SNX6: variants seen among roughly 807,000 people sequenced by gnomAD.
The protein encoded by SNX6 is sorting nexin 6.
A neutral mutation model predicts 63.0 loss-of-function variants in SNX6; 34 were observed. The ratio of observed to expected loss-of-function variants is 0.54; its 90% CI spans 0.41 to 0.72. The LOEUF (loss-of-function observed/expected upper bound fraction) is 0.72. SNX6 is among the 30% of genes least tolerant of loss of function. The pLI is 0.00. For synonymous variants in SNX6, 170 were observed against 164.2 expected, an observed-to-expected ratio of 1.04 and a Z score of -0.27; for missense variants, 398 against 471.4, an observed-to-expected ratio of 0.84 and a Z score of 1.44.
At chr14:34,597,419 C>T (rs1882648043) in intron 7 of SNX6, 131 bp downstream of exon 7, 1 of 631,336 alleles carries the variant, frequency 1.6e-6, no homozygotes, top group Non-Finnish European at 2.8e-6. Flanking sequence ...AGGATTCCTC[C>T]TGTTCCTAGG....
chr14:34,592,134 T>C (rs1044831996), intron 8 of SNX6, among the ~76,000 whole-genome samples: 3 of 152,196 alleles, frequency 2.0e-5, no homozygotes, highest in African/African-American at 7.2e-5. Context: ...ACGCCTGTAA[T>C]CCCTGCACTT....
chr14:34,598,881 C>A (rs1882700766), intron 6 of SNX6, among the ~76,000 whole-genome samples: 1 of 152,146 alleles, frequency 6.6e-6, no homozygotes, highest in Admixed American at 6.6e-5. Flanking sequence ...GGCAATACAG[C>A]AAGACTCTGT....
In SNX6 at chr14:34,605,722, A is replaced by G; in HGVS notation, c.271-5T>C. On this transcript the variant is annotated splice_polypyrimidine_tract_variant and splice_region_variant and intron_variant, in intron 4 of 13. Transcript: ENST00000362031. ...TCTTGGTGGTGCTGGTGGAATCTGT[A>G]ACAGGACCAAATGACTAATTTTAAG... 8 of 1,590,972 alleles carry G rather than the reference A, an allele frequency of 5.0e-6. No individual in the cohort carries two copies. Among genetic ancestry groups the G allele is most frequent in the Non-Finnish European group, 6.8e-6 (8 of 1,174,284 alleles).
In SNX6 at chr14:34,562,889, G is replaced by T; in HGVS notation, c.*233C>A. 2.0e-6 allele frequency: 1 copy of T among 503,250 alleles called. No individual in the cohort carries two copies. The highest frequency in any genetic ancestry group is 3.6e-6 in the Non-Finnish European group (1 of 281,084). 31.2% of individuals were successfully genotyped at this position (503,250 alleles called of 1,614,324 possible). ...TGAACTTTGGACTTCTGAGTATGAC[G>T]AGTGCACGATGATGGACCACTGTCA... On this transcript the variant is annotated 3_prime_UTR_variant, in exon 14 of 14. Transcript: ENST00000362031.
At chr14:34,594,689 C>T (rs986123897) in intron 7 of SNX6, among the ~76,000 whole-genome samples, 1 of 152,042 alleles carries the variant, frequency 6.6e-6, no homozygotes, top group African/African-American at 2.4e-5. Flanking sequence ...GTATTTTACC[C>T]CCTTCTACAT....
chr14:34,612,778 G>T (rs1476696889), intron 2 of SNX6, among the ~76,000 whole-genome samples: 1 of 151,944 alleles, frequency 6.6e-6, no homozygotes, highest in Non-Finnish European at 1.5e-5. Flanking sequence ...AGGCGCCACT[G>T]GTGGCTCACG....
chr14:34,609,325 C>CA (rs1221505260), intron 3 of SNX6, among the ~76,000 whole-genome samples: 2 of 150,578 alleles, frequency 1.3e-5, no homozygotes, highest in African/African-American at 4.9e-5. Flanking sequence ...GAAAAAAATA[C>CA]AAAAAATTAG....
chr14:34,573,932 C>G (rs1224362754), intron 11 of SNX6, among the ~76,000 whole-genome samples: 1 of 151,938 alleles, frequency 6.6e-6, no homozygotes, highest in Non-Finnish European at 1.5e-5. Flanking sequence ...TGAGCCACTG[C>G]GCCCAGGAGC....
At chr14:34,565,855 A>T (rs1444832130) in intron 13 of SNX6, among the ~76,000 whole-genome samples, 1 of 151,848 alleles carries the variant, frequency 6.6e-6, no homozygotes, top group African/African-American at 2.4e-5. Flanking sequence ...ATGCCTGGTT[A>T]ATTTTTTGTA....
At chr14:34,592,388 G>GA (rs917864990) in intron 8 of SNX6, among the ~76,000 whole-genome samples, 14 of 146,864 alleles carry the variant, frequency 9.5e-5, no homozygotes, top group Non-Finnish European at 1.7e-4. Flanking sequence ...CTGTCTCAAA[G>GA]AAAAAAAAAA....
rs778920101 is a variant in SNX6, at chr14:34,605,748, G to A, written c.271-31C>T. ...ACAGGACCAAATGACTAATTTTAAG[G>A]AAATTTTCATTTCTTGAAGCATTGT... On this transcript the variant is annotated intron_variant, in intron 4 of 13. Coordinates refer to ENST00000362031, the MANE Select transcript of SNX6 (RefSeq NM_152233.4). 7.6e-6 allele frequency: 12 copies of A among 1,580,898 alleles called. No individual in the cohort carries two copies. The African/African-American group carries it at 1.1e-4, about 15-fold the overall frequency.
At chr14:34,593,386 AAGTTCACGTGCTGT>A (rs1330230562) in intron 7 of SNX6, among the ~76,000 whole-genome samples, 4 of 151,540 alleles carry the variant, frequency 2.6e-5, no homozygotes, top group Admixed American at 1.3e-4. Flanking sequence ...ATATAGGTCC[AAGTTCACGTGCTGT>A]ACTCTTTTTT....
At chr14:34,570,945 G>A (rs374828626) in intron 11 of SNX6, among the ~76,000 whole-genome samples, 1 of 150,212 alleles carries the variant, frequency 6.7e-6, no homozygotes, top group African/African-American at 2.5e-5. Context: ...GAATGGTCTC[G>A]ATCTCCTGAC....
intron 13 of SNX6, among the ~76,000 whole-genome samples, chr14:34,564,542 A>T (rs940972722): frequency 2.6e-5 from 4 of 151,810 alleles, no homozygotes; most frequent in African/African-American, 9.7e-5. Flanking sequence ...AAAGTATAGA[A>T]TCTGGCCAGG....
At chr14:34,582,484 G>T (rs1380219581) in intron 9 of SNX6, among the ~76,000 whole-genome samples, 1 of 152,048 alleles carries the variant, frequency 6.6e-6, no homozygotes, top group African/African-American at 2.4e-5. Context: ...TGAGATTACA[G>T]GTGTGAGCCA....
chr14:34,588,275 G>C (rs1405286092), intron 8 of SNX6, among the ~76,000 whole-genome samples: 1 of 152,080 alleles, frequency 6.6e-6, no homozygotes, highest in Non-Finnish European at 1.5e-5. Context: ...CCAAAGTGCT[G>C]GGATTACAGG....
intron 6 of SNX6, among the ~76,000 whole-genome samples, chr14:34,598,992 C>G (rs531375670): frequency 6.6e-6 from 1 of 152,270 alleles, no homozygotes; most frequent in South Asian, 2.1e-4. Context: ...GGGAATGTTA[C>G]CCTCTTGCCC....
chr14:34,584,850 T>C (rs1400103096), intron 9 of SNX6, among the ~76,000 whole-genome samples: 2 of 151,834 alleles, frequency 1.3e-5, no homozygotes, highest in East Asian at 3.9e-4. Context: ...CCAAGTTTTT[T>C]CTTTTTTCTT....
chr14:34,615,276 A>G (rs2138371093), intron 2 of SNX6, among the ~76,000 whole-genome samples: 1 of 151,896 alleles, frequency 6.6e-6, no homozygotes, highest in African/African-American at 2.4e-5. Flanking sequence ...TTCAGTATAA[A>G]GAGCTTTAAC....
Sources: allele counts gnomAD v4.1 joint callset (sites outside exome capture counted in the v4.1 genomes callset), GRCh38; gene constraint gnomAD v4.1.1; transcripts MANE v1.5; gene names NCBI Gene and HGNC (gene_info 2026-07-23, HGNC 2026-07-21).